ITPR3: variants seen among roughly 807,000 people sequenced by gnomAD.
ITPR3 encodes inositol 1,4,5-trisphosphate receptor type 3, also known as inositol 1,4,5-trisphosphate-gated calcium channel ITPR3.
Under a neutral mutation model 293.2 loss-of-function variants are expected in ITPR3, and 173 were observed. The ratio of observed to expected loss-of-function variants is 0.59; its 90% confidence interval spans 0.52 to 0.67. ITPR3 has a LOEUF of 0.67. Ranked by LOEUF, ITPR3 falls within the 30% of genes least tolerant of loss-of-function variation. The probability of loss-of-function intolerance (pLI) is 0.00; values close to 1 mark genes in which losing one functional copy is unlikely to be tolerated. For missense variants in ITPR3, 2,796 were observed against 3,592.1 expected (o/e 0.78, Z 5.66); for synonymous variants, 1,295 against 1,444.4 (o/e 0.90, Z 2.35).
chr6:33,660,144 G>A lies in ITPR3; in HGVS notation c.711+595G>A, dbSNP rs188618723. On this transcript the variant is annotated intron_variant, in intron 7 of 57. Transcript: ENST00000605930. The stretch of plus-strand genomic sequence containing the variant: ...GAAACCCTGAACAGCAGATGTGGGC[G>A]AGAGAGGAGAGTTCAGATGTCTCTT... Among the ~76,000 whole-genome samples the A allele has an allele frequency of 4.2e-4, 64 of 152,286 alleles. No individual in the cohort carries two copies. In the South Asian group the frequency reaches 9.7e-3, roughly 23 times the overall value.
In ITPR3 at chr6:33,684,832, G is replaced by T; in HGVS notation, c.5196G>T (p.Gly1732=). The T allele has an allele frequency of 6.2e-7, 1 of 1,614,030 alleles. No homozygotes were observed. The highest frequency in any genetic ancestry group is 2.2e-5 in the East Asian group (1 of 44,864). The change falls in exon 39 of 58, where the codon GGG becomes GGT. Residue 1732 remains glycine, a synonymous_variant. Transcript: ENST00000605930. This position sits in a 1 kb window ranked among gnomAD's most constrained non-coding sequence, Gnocchi z 4.2. ...CCCAGTGCCGGCTGGACAAGGAGGGGGCCACCAAGTTGGTATGCGACCTCA... is the reference window on the plus strand; with the variant it reads ...CCCAGTGCCGGCTGGACAAGGAGGGTGCCACCAAGTTGGTATGCGACCTCA... The part of the protein sequence containing the change: ...AATQCRLDKE[G]ATKLVCDLIT...
In ITPR3 at chr6:33,670,271, A is replaced by G. The variant is rs9469547; in HGVS notation, c.2190-54A>G. On this transcript the variant is annotated intron_variant, in intron 18 of 57. Transcript: ENST00000605930. The surrounding 1 kb of genome is among the most constrained non-coding windows in gnomAD (Gnocchi z 6.7). The stretch of plus-strand genomic sequence containing the variant: ...CTCACCAAGTCTAGTGCCCAGTGCC[A>G]GCAGCCTCCCGGCTGCCATCTGCCG... 3,216 of 1,604,170 alleles carry G rather than the reference A, an allele frequency of 2.0e-3. 63 individuals carry two copies. In the African/African-American group the frequency reaches 0.034, roughly 17 times the overall value.
intron 2 of ITPR3, among the ~76,000 whole-genome samples, chr6:33,641,815 C>T (rs74494131): frequency 0.073 from 11,108 of 152,188 alleles, 743 homozygotes; most frequent in African/African-American, 0.17. Context: ...AGCCCAGATG[C>T]TCAGCAGCTT....
rs1765548808 is a variant in ITPR3, at chr6:33,696,509, C to A, written c.*729C>A. Reference sequence around the variant, plus strand: ...CTTTTGGTGTAATGTTTTACAAATCCTTTGGCCTGAGAACTAATATGTTAA... The same window carrying A: ...CTTTTGGTGTAATGTTTTACAAATCATTTGGCCTGAGAACTAATATGTTAA... On this transcript the variant is annotated 3_prime_UTR_variant, in exon 58 of 58. Coordinates refer to ENST00000605930, the MANE Select transcript of ITPR3 (RefSeq NM_002224.4). The A allele has an allele frequency of 6.6e-6, 1 of 152,648 alleles. No individual in the cohort carries two copies. 9.5% of individuals were successfully genotyped at this position (152,648 alleles called of 1,614,324 possible).
Position 33,670,950 on chromosome 6 carries a change from G to T in ITPR3, c.2586+135G>T. On this transcript the variant is annotated intron_variant, in intron 20 of 57. Coordinates refer to ENST00000605930, the MANE Select transcript of ITPR3 (RefSeq NM_002224.4). This position sits in a 1 kb window ranked among gnomAD's most constrained non-coding sequence, Gnocchi z 6.7. ...TTCTGTGTCCCCAGCCAGTGCAGGG[G>T]GACCGCATAGAAGGCTGGGATTCTC... 1 of 1,331,402 alleles carries T rather than the reference G, an allele frequency of 7.5e-7. No homozygotes were observed. The highest frequency in any genetic ancestry group is 1.0e-6 in the Non-Finnish European group (1 of 970,492). 82.5% of individuals were successfully genotyped at this position (1,331,402 alleles called of 1,614,324 possible). A position where few individuals can be genotyped will look rare whatever the true frequency, so the allele number is the denominator to read the frequency against.
At position 33,690,025 on chromosome 6, in the gene ITPR3, C is replaced by A; in HGVS notation, c.6868-9C>A. ...GGTGCTGACTCTCATGCCTTGCACT[C>A]GCCCCCAGCTGACCAACAAGATCGT... On this transcript the variant is annotated splice_polypyrimidine_tract_variant and intron_variant, in intron 50 of 57. Coordinates refer to ENST00000605930, the MANE Select transcript of ITPR3 (RefSeq NM_002224.4). 1 of 1,614,130 alleles carries A rather than the reference C, an allele frequency of 6.2e-7. No individual in the cohort carries two copies. The highest frequency in any genetic ancestry group is 1.1e-5 in the South Asian group (1 of 91,068).
chr6:33,682,708 C>CT lies in ITPR3; in HGVS notation c.4597+65dup. 6.5e-7 allele frequency: 1 copy of CT among 1,537,080 alleles called. No individual in the cohort carries two copies. The highest frequency in any genetic ancestry group is 8.7e-7 in the Non-Finnish European group (1 of 1,150,670). ...CTCCTGCCGCTCACAGTGGGGACGC[C>CT]TGCCCTCCTAATAAACACTTTATCC... is the stretch of plus-strand genomic sequence containing the variant. On this transcript the variant is annotated intron_variant, in intron 34 of 57. Coordinates refer to ENST00000605930, the MANE Select transcript of ITPR3 (RefSeq NM_002224.4). The surrounding 1 kb of genome is among the most constrained non-coding windows in gnomAD (Gnocchi z 5.4).
Position 33,683,514 on chromosome 6 carries a change from C to A in ITPR3, c.4788+117C>A. 1 of 905,824 alleles carries A rather than the reference C, an allele frequency of 1.1e-6. No homozygotes were observed. Among genetic ancestry groups the A allele is most frequent in the Non-Finnish European group, 1.6e-6 (1 of 623,232 alleles). The allele number at this position is 905,824 out of a possible 1,614,324, so 56.1% of individuals were successfully genotyped here. ...TTTCTTCCTGTCCTGCCCACACTTC[C>A]AGGAAGGGGCTGGTTGGCTTCTCTA... On this transcript the variant is annotated intron_variant, in intron 35 of 57. Transcript: ENST00000605930. The surrounding 1 kb of genome is among the most constrained non-coding windows in gnomAD (Gnocchi z 4.5).
chr6:33,659,869 C>T (rs561220910), intron 7 of ITPR3, among the ~76,000 whole-genome samples: 1 of 152,170 alleles, frequency 6.6e-6, no homozygotes, highest in Non-Finnish European at 1.5e-5. Flanking sequence ...GCACCTTCCT[C>T]TCCCCAACTC....
intron 1 of ITPR3, among the ~76,000 whole-genome samples, chr6:33,635,058 C>T (rs1033394791): frequency 1.3e-5 from 2 of 152,234 alleles, no homozygotes; most frequent in African/African-American, 4.8e-5. Context: ...CTTTCTTTCT[C>T]TCGCCATCAA....
In ITPR3 at chr6:33,632,109, T is replaced by C. The variant is rs1561849368; in HGVS notation, c.90-8375T>C. Among the ~76,000 whole-genome samples the C allele has an allele frequency of 6.6e-6, 1 of 152,154 alleles. No homozygotes were observed. Among genetic ancestry groups the C allele is most frequent in the Non-Finnish European group, 1.5e-5 (1 of 68,024 alleles). On this transcript the variant is annotated intron_variant, in intron 1 of 57. Coordinates refer to ENST00000605930, the MANE Select transcript of ITPR3 (RefSeq NM_002224.4). This position sits in a 1 kb window ranked among gnomAD's most constrained non-coding sequence, Gnocchi z 4.1. Reference sequence around the variant, plus strand: ...TGGGTAATCCTCCACCCACAGCCAGTGTCTGGGGCTGGGAGCCAGAAGACC... The same window carrying C: ...TGGGTAATCCTCCACCCACAGCCAGCGTCTGGGGCTGGGAGCCAGAAGACC...
chr6:33,662,649 G>T lies in ITPR3; in HGVS notation c.833G>T (p.Ser278Ile). 1 of 1,609,218 alleles carries T rather than the reference G, an allele frequency of 6.2e-7. No homozygotes were observed. The change falls in exon 8 of 58, where the codon AGC becomes ATC. Residue 278 changes from serine to isoleucine, a missense_variant. Coordinates refer to ENST00000605930, the MANE Select transcript of ITPR3 (RefSeq NM_002224.4). ...TLRQSATSAT[S>I]SNALWEVEVV... ...CGCCAGTCTGCCACCTCGGCCACCA[G>T]CTCCAATGCTCTCTGGGAGGTGGAG... is the stretch of plus-strand genomic sequence containing the variant.
In ITPR3 at chr6:33,669,133, C is replaced by G. The variant is rs754514992; in HGVS notation, c.2166C>G (p.Asp722Glu). ...AQEARAGNAH[D>E]ENVLSYYRYQ... ...AGGCGCGGGCCGGCAACGCCCACGA[C>G]GAGAATGTGCTCAGCTACTACAGGT... The change falls in exon 18 of 58, where the codon GAC (aspartate) becomes GAG (glutamate). Residue 722 changes from aspartate (D) to glutamate (E), a missense_variant. Physicochemically the swap from Asp to Glu is conservative, Grantham distance 45. Transcript: ENST00000605930. The G allele has an allele frequency of 1.7e-5, 27 of 1,613,854 alleles. No homozygotes were observed. Among genetic ancestry groups the G allele is most frequent in the Non-Finnish European group, 1.9e-5 (23 of 1,179,956 alleles).
Position 33,683,453 on chromosome 6 carries a change from C to T in ITPR3, c.4788+56C>T. ...GGGAGCTGCTTGGTTGAGTCAGCAG[C>T]TCCCCTACTTTGGAGGGGCAAGTTC... On this transcript the variant is annotated intron_variant, in intron 35 of 57. Transcript: ENST00000605930. The surrounding 1 kb of genome is among the most constrained non-coding windows in gnomAD (Gnocchi z 4.5). 1 of 1,378,086 alleles carries T rather than the reference C, an allele frequency of 7.3e-7. No homozygotes were observed. The highest frequency in any genetic ancestry group is 9.6e-7 in the Non-Finnish European group (1 of 1,036,694). 85.4% of individuals were successfully genotyped at this position (1,378,086 alleles called of 1,614,324 possible).
At chr6:33,657,007 C>T (rs921124045) in intron 3 of ITPR3, among the ~76,000 whole-genome samples, 5 of 152,194 alleles carry the variant, frequency 3.3e-5, no homozygotes, top group Non-Finnish European at 4.4e-5. Flanking sequence ...AGAGGCTGAG[C>T]TGGGGATCTG....
In ITPR3 at chr6:33,692,214, C is replaced by T. The variant is rs1765414682; in HGVS notation, c.7458+286C>T. 6.6e-6 allele frequency among the ~76,000 whole-genome samples: 1 copy of T among 152,256 alleles called. No homozygotes were observed. Among genetic ancestry groups the T allele is most frequent in the Non-Finnish European group, 1.5e-5 (1 of 68,050 alleles). Reference sequence around the variant, plus strand: ...GCTTTCCTAGCCCACAGCAGGTGGGCAGAGGGCGGAGCTGAGTCAGCTTTA... The same window carrying T: ...GCTTTCCTAGCCCACAGCAGGTGGGTAGAGGGCGGAGCTGAGTCAGCTTTA... On this transcript the variant is annotated intron_variant, in intron 54 of 57. Transcript: ENST00000605930. The surrounding 1 kb of genome is among the most constrained non-coding windows in gnomAD (Gnocchi z 4.2).
Position 33,691,746 on chromosome 6 carries a change from T to C in ITPR3, c.7330+27T>C, listed in dbSNP as rs1276606345. On this transcript the variant is annotated intron_variant, in intron 53 of 57. Transcript: ENST00000605930. The surrounding 1 kb of genome is among the most constrained non-coding windows in gnomAD (Gnocchi z 4.9). The stretch of plus-strand genomic sequence containing the variant: ...TGAGGGTGGTGTGTGTGCAGGAGTC[T>C]GTGTGGGGTAGGAGGAGCAGGCAGC... 2.5e-6 allele frequency: 4 copies of C among 1,612,502 alleles called. No homozygotes were observed. The East Asian group carries it at 6.7e-5, about 27-fold the overall frequency.
intron 1 of ITPR3, among the ~76,000 whole-genome samples, chr6:33,626,505 G>A (rs1171004315): frequency 6.6e-6 from 1 of 152,226 alleles, no homozygotes; most frequent in African/African-American, 2.4e-5. Flanking sequence ...GACAGGCTGT[G>A]AGGAAGCCTG....
intron 28 of ITPR3, among the ~76,000 whole-genome samples, chr6:33,677,856 C>G (rs1286902627): frequency 6.6e-6 from 1 of 152,080 alleles, no homozygotes; most frequent in Non-Finnish European, 1.5e-5. Context: ...TTGATTTGAC[C>G]CCAGCCTTAT....
Sources: allele counts gnomAD v4.1 joint callset (sites outside exome capture counted in the v4.1 genomes callset), GRCh38; gene constraint gnomAD v4.1.1; non-coding constraint Gnocchi (gnomAD v3.1); transcripts MANE v1.5; gene names NCBI Gene and HGNC (gene_info 2026-07-23, HGNC 2026-07-21).